RESF1: variants seen among roughly 807,000 people sequenced by gnomAD.
The protein encoded by RESF1 is retroelement silencing factor 1.
Under a neutral mutation model 134.7 loss-of-function variants are expected in RESF1, and 65 were observed. The observed-to-expected ratio is 0.48, with a 90% confidence interval of 0.40 to 0.59. RESF1 has a LOEUF of 0.59. Ranked by LOEUF, RESF1 falls within the 20% of genes least tolerant of loss-of-function variation. The pLI is 0.00. For synonymous variants in RESF1, 762 were observed against 702.2 expected, an observed-to-expected ratio of 1.09 and a Z score of -1.35; for missense variants, 2,274 against 2,002.7, an observed-to-expected ratio of 1.14 and a Z score of -2.59.
In RESF1 at chr12:31,985,545, C is replaced by T; in HGVS notation, c.4590C>T (p.Tyr1530=). The stretch of plus-strand genomic sequence containing the variant: ...ACCATTCTCAGGAGTCTAAAACATA[C>T]AACATTCTAAGGAATGTTAAAGAAA... ...KIHHSQESKT[Y]NILRNVKEKV... is the part of the protein sequence containing the mutation. Residue 1530 remains tyrosine, a synonymous_variant, in exon 4 of 6, where the codon TAC becomes TAT. Transcript: ENST00000312561. The T allele has an allele frequency of 6.3e-7, 1 of 1,597,786 alleles. No individual in the cohort carries two copies. The highest frequency in any genetic ancestry group is 8.5e-7 in the Non-Finnish European group (1 of 1,175,326).
At chr12:31,973,663 G>A (rs1210861231) in intron 3 of RESF1, among the ~76,000 whole-genome samples, 1 of 136,896 alleles carries the variant, frequency 7.3e-6, no homozygotes, top group Non-Finnish European at 1.6e-5. Context: ...TGCCAGTGAA[G>A]GAGAGGGATG....
At position 31,982,368 on chromosome 12, in the gene RESF1, A is replaced by G. The variant is rs1376788969; in HGVS notation, c.1413A>G (p.Thr471=). Residue 471 remains threonine (T), a synonymous_variant, in exon 4 of 6, where the codon ACA becomes ACG. Transcript: ENST00000312561. ...MPENAERQTP[T]VVESAETNKT... Reference sequence around the variant, plus strand: ...AGAATGCAGAGAGACAAACACCAACAGTAGTGGAATCTGCAGAAACAAATA... The same window carrying G: ...AGAATGCAGAGAGACAAACACCAACGGTAGTGGAATCTGCAGAAACAAATA... The G allele has an allele frequency of 1.9e-5, 30 of 1,614,002 alleles. No individual in the cohort carries two copies. Among genetic ancestry groups the G allele is most frequent in the Non-Finnish European group, 2.5e-5 (29 of 1,179,994 alleles).
At chr12:31,988,354 C>A (rs1480518038) in intron 5 of RESF1, among the ~76,000 whole-genome samples, 1 of 151,998 alleles carries the variant, frequency 6.6e-6, no homozygotes, top group East Asian at 1.9e-4. Context: ...ATTAATACAA[C>A]CATAAAAATA....
chr12:31,961,246 T>A lies in RESF1; in HGVS notation c.-247+375T>A, dbSNP rs965453734. Among the ~76,000 whole-genome samples the A allele has an allele frequency of 7.9e-5, 12 of 152,340 alleles. 3 individuals are homozygous for A. The highest frequency in any genetic ancestry group is 1.9e-4 in the East Asian group (1 of 5,188). On this transcript the variant is annotated intron_variant, in intron 2 of 5. Coordinates refer to ENST00000312561, the MANE Select transcript of RESF1 (RefSeq NM_018169.4). ...GGCGCAGAGCACCACTCTGGGAGGATGCTTCCCGTGCAGCCAAAGTGATCA... is the reference window on the plus strand; with the variant it reads ...GGCGCAGAGCACCACTCTGGGAGGAAGCTTCCCGTGCAGCCAAAGTGATCA...
chr12:31,975,135 A>G (rs1387170152), intron 3 of RESF1, among the ~76,000 whole-genome samples: 1 of 152,004 alleles, frequency 6.6e-6, no homozygotes, highest in East Asian at 1.9e-4. Flanking sequence ...TGAGTCAGGC[A>G]TGGTGGCGCG....
At chr12:31,972,106 C>T (rs568100585) in intron 3 of RESF1, among the ~76,000 whole-genome samples, 4 of 152,274 alleles carry the variant, frequency 2.6e-5, no homozygotes, top group African/African-American at 9.6e-5. Flanking sequence ...TGCTGTGCCC[C>T]TTCTCATGTG....
chr12:31,968,683 C>T (rs1052688055), intron 2 of RESF1, among the ~76,000 whole-genome samples: 4 of 151,942 alleles, frequency 2.6e-5, no homozygotes, highest in South Asian at 2.1e-4. Context: ...CTCCTGACCT[C>T]GTGATCCGCC....
At chr12:31,961,947 G>C (rs1219182068) in intron 2 of RESF1, among the ~76,000 whole-genome samples, 1 of 152,220 alleles carries the variant, frequency 6.6e-6, no homozygotes, top group Non-Finnish European at 1.5e-5. Flanking sequence ...TGTAGGCCAG[G>C]TGTGGTGGCT....
At chr12:31,971,093 T>C (rs539607286) in intron 3 of RESF1, among the ~76,000 whole-genome samples, 1 of 152,370 alleles carries the variant, frequency 6.6e-6, no homozygotes, top group African/African-American at 2.4e-5. Context: ...TGCATCTCTT[T>C]ATCAGCATTT....
Position 31,985,820 on chromosome 12 carries a change from C to G in RESF1, c.4865C>G (p.Pro1622Arg). Reference protein sequence around the residue: ...RQENKHKTFLPVKGNTEKSNM... With the variant: ...RQENKHKTFLRVKGNTEKSNM... ...GAAAATAAACATAAGACCTTTTTAC[C>G]GGTGAAAGGTAACACAGAAAAATCA... The change falls in exon 4 of 6, where the codon CCG becomes CGG. Residue 1622 changes from proline to arginine, a missense_variant. Pro to Arg is a moderately radical substitution (Grantham distance 103). Coordinates refer to ENST00000312561, the MANE Select transcript of RESF1 (RefSeq NM_018169.4). 1 of 1,564,414 alleles carries G rather than the reference C, an allele frequency of 6.4e-7. No homozygotes were observed. Among genetic ancestry groups the G allele is most frequent in the African/African-American group, 1.4e-5 (1 of 72,220 alleles).
At chr12:31,976,149 C>A (rs1939625458) in intron 3 of RESF1, among the ~76,000 whole-genome samples, 1 of 152,102 alleles carries the variant, frequency 6.6e-6, no homozygotes, top group East Asian at 1.9e-4. Flanking sequence ...TTATGGTTTT[C>A]ATTTACATTT....
At chr12:31,980,167 A>G (rs1417981259) in intron 3 of RESF1, among the ~76,000 whole-genome samples, 1 of 134,224 alleles carries the variant, frequency 7.5e-6, no homozygotes, top group Non-Finnish European at 1.5e-5. Flanking sequence ...ACTAGAGTGC[A>G]GTGGTGTGAT....
chr12:31,986,174 C>T (rs1357677090), intron 4 of RESF1, among the ~76,000 whole-genome samples: 2 of 151,988 alleles, frequency 1.3e-5, no homozygotes, highest in Admixed American at 6.6e-5. Context: ...GAAAATTGGT[C>T]GTCATGACGA....
At chr12:31,967,351 A>G (rs538009417) in intron 2 of RESF1, among the ~76,000 whole-genome samples, 1 of 152,324 alleles carries the variant, frequency 6.6e-6, no homozygotes, top group African/African-American at 2.4e-5. Flanking sequence ...AAATGAGATA[A>G]AAGTATATGA....
chr12:31,968,890 C>T (rs181934520), intron 2 of RESF1, among the ~76,000 whole-genome samples: 44 of 152,318 alleles, frequency 2.9e-4, no homozygotes, highest in African/African-American at 1.0e-3. Context: ...GTTAATAGTA[C>T]TTTGATTCAC....
At position 31,984,434 on chromosome 12, in the gene RESF1, C is replaced by A. The variant is rs371208970; in HGVS notation, c.3479C>A (p.Ser1160Tyr). Residue 1160 changes from serine (S) to tyrosine (Y), a missense_variant, in exon 4 of 6, where the codon TCT becomes TAT. Coordinates refer to ENST00000312561, the MANE Select transcript of RESF1 (RefSeq NM_018169.4). ...QAPAAGQSRD[S>Y]VILDSEKDDI... is the part of the protein sequence containing the mutation. ...CCTGCAGCTGGACAAAGTCGTGATTCTGTGATACTGGACTCTGAGAAAGAT... is the reference window on the plus strand; with the variant it reads ...CCTGCAGCTGGACAAAGTCGTGATTATGTGATACTGGACTCTGAGAAAGAT... 3 of 1,614,028 alleles carry A rather than the reference C, an allele frequency of 1.9e-6. No homozygotes were observed. Among genetic ancestry groups the A allele is most frequent in the African/African-American group, 2.7e-5 (2 of 74,924 alleles).
chr12:31,969,891 T>G (rs144957368), intron 2 of RESF1, among the ~76,000 whole-genome samples: 1 of 152,356 alleles, frequency 6.6e-6, no homozygotes, highest in Non-Finnish European at 1.5e-5. Context: ...GTGCCCAGCC[T>G]AGGTCTATTT....
rs1027622470 is a variant in RESF1 at position 31,978,732 on chromosome 12, T to A, written c.-78-2146T>A. ...AGCTAATTTTTTTTTTTTTTTTTTT[T>A]TGTATATTTAGTAGAGGCCGGGGTT... On this transcript the variant is annotated intron_variant, in intron 3 of 5. Coordinates refer to ENST00000312561, the MANE Select transcript of RESF1 (RefSeq NM_018169.4). Among the ~76,000 whole-genome samples the A allele has an allele frequency of 3.2e-3, 411 of 128,218 alleles. 3 individuals are homozygous for A. The highest frequency in any genetic ancestry group is 0.012 in the African/African-American group (395 of 34,114). 84.1% of individuals were successfully genotyped at this position (128,218 alleles called of 152,430 possible). A position where few individuals can be genotyped will look rare whatever the true frequency, so the allele number is the denominator to read the frequency against.
Position 31,981,192 on chromosome 12 carries a change from T to C in RESF1, c.237T>C (p.His79=). 1 of 1,614,110 alleles carries C rather than the reference T, an allele frequency of 6.2e-7. No homozygotes were observed. Among genetic ancestry groups the C allele is most frequent in the Admixed American group, 1.7e-5 (1 of 60,024 alleles). Residue 79 remains histidine (H), a synonymous_variant, in exon 4 of 6, where the codon CAT becomes CAC. Transcript: ENST00000312561. ...YPQQISVSDM[H]NGTVVASHTS... The stretch of plus-strand genomic sequence containing the variant: ...AACAAATTTCTGTTTCTGATATGCA[T>C]AATGGGACAGTTGTGGCCTCACACA...
Sources: allele counts gnomAD v4.1 joint callset (sites outside exome capture counted in the v4.1 genomes callset), GRCh38; gene constraint gnomAD v4.1.1; transcripts MANE v1.5; gene names NCBI Gene and HGNC (gene_info 2026-07-23, HGNC 2026-07-21).